PTPRS: variants seen among roughly 807,000 people sequenced by gnomAD.
PTPRS encodes receptor-type tyrosine-protein phosphatase S.
Under a neutral mutation model 215.3 loss-of-function variants are expected in PTPRS, and 63 were observed. The ratio of observed to expected loss-of-function variants is 0.29; its 90% CI spans 0.24 to 0.36. The LOEUF (loss-of-function observed/expected upper bound fraction) is 0.36, where lower values mean the gene tolerates loss of function less well. Among genes scored for constraint, PTPRS ranks in the 10% least tolerant of loss-of-function variants. The pLI is 1.00. For synonymous variants in PTPRS, 1,404 were observed against 1,191.4 expected, an observed-to-expected ratio of 1.18 and a Z score of -3.68; for missense variants, 2,258 against 2,825.8, an observed-to-expected ratio of 0.80 and a Z score of 4.56.
chr19:5,288,159 T>A (rs2048522076), intron 1 of PTPRS, among the ~76,000 whole-genome samples: 1 of 152,034 alleles, frequency 6.6e-6, no homozygotes. Flanking sequence ...TACAGGGAAC[T>A]GCAAACATGC....
chr19:5,271,708 TATTCATTCATTC>T (rs532699217), intron 4 of PTPRS, among the ~76,000 whole-genome samples: 2 of 151,220 alleles, frequency 1.3e-5, no homozygotes, highest in Non-Finnish European at 2.9e-5. Flanking sequence ...ATTTCATTTT[TATTCATTCATTC>T]ATTCATTCAT....
Position 5,340,742 on chromosome 19 carries a change from C to T in PTPRS, c.-173G>A, listed in dbSNP as rs2051085496. ...CTGTTGCATGGGATCCGAGCGGAGC[C>T]CGAGCGCCAGCGGCTCGCGGCGTGC... On this transcript the variant is annotated 5_prime_UTR_variant, in exon 1 of 38. Transcript: ENST00000262963. 1 of 150,348 alleles carries T rather than the reference C, an allele frequency of 6.7e-6. No individual in the cohort carries two copies. Among genetic ancestry groups the T allele is most frequent in the Non-Finnish European group, 1.5e-5 (1 of 67,468 alleles). 9.3% of individuals were successfully genotyped at this position (150,348 alleles called of 1,614,324 possible).
chr19:5,315,372 T>TTTTTTTG (rs2049842289), intron 1 of PTPRS, among the ~76,000 whole-genome samples: 4 of 115,364 alleles, frequency 3.5e-5, no homozygotes, highest in African/African-American at 1.6e-4. Context: ...TTTTTTTTTT[T>TTTTTTTG]TTTTTTTTTG....
rs1271500162 is a variant in PTPRS at position 5,210,644 on chromosome 19, G to GC, written c.5361+34dup. ...TCAGCGCTGTCTGAGCCACAGTCTG[G>GC]CCCTCGCCCTTCCCTGCTGTGGCCC... On this transcript the variant is annotated intron_variant, in intron 34 of 37. Transcript: ENST00000262963. This position sits in a 1 kb window ranked among gnomAD's most constrained non-coding sequence, Gnocchi z 4.5. 6.2e-7 allele frequency: 1 copy of GC among 1,614,086 alleles called. No individual in the cohort carries two copies. Among genetic ancestry groups the GC allele is most frequent in the South Asian group, 1.1e-5 (1 of 91,082 alleles).
At chr19:5,234,634 GCTCT>G (rs1380721718) in intron 13 of PTPRS, among the ~76,000 whole-genome samples, 1 of 152,184 alleles carries the variant, frequency 6.6e-6, no homozygotes, top group African/African-American at 2.4e-5. Context: ...TGTGCCAAAG[GCTCT>G]CTCAGAAAAC....
intron 2 of PTPRS, 66 bp downstream of exon 2, chr19:5,285,984 A>G: frequency 6.7e-7 from 1 of 1,486,472 alleles, no homozygotes. Context: ...CCACACACAC[A>G]CAGCCATAAA....
chr19:5,319,920 C>A lies in PTPRS; in HGVS notation c.-95+20744G>T, dbSNP rs550593391. ...GTTCCTTTACTGCTTTCTCTGATCA[C>A]CCCTGACGTGCTATATATCGTATTT... On this transcript the variant is annotated intron_variant, in intron 1 of 37. Coordinates refer to ENST00000262963, the MANE Select transcript of PTPRS (RefSeq NM_002850.4). 5.3e-5 allele frequency among the ~76,000 whole-genome samples: 8 copies of A among 152,244 alleles called. No individual in the cohort carries two copies. In the South Asian group the frequency reaches 1.7e-3, roughly 32 times the overall value.
At chr19:5,213,853 A>T (rs1425823252) in intron 30 of PTPRS, among the ~76,000 whole-genome samples, 1 of 152,214 alleles carries the variant, frequency 6.6e-6, no homozygotes, top group East Asian at 1.9e-4. Flanking sequence ...AATTGTCCTA[A>T]TTCAGAACCA....
At position 5,335,071 on chromosome 19, in the gene PTPRS, G is replaced by A. The variant is rs112210556; in HGVS notation, c.-95+5593C>T. 2.4e-4 allele frequency among the ~76,000 whole-genome samples: 37 copies of A among 152,198 alleles called. 1 individual carries two copies. The highest frequency in any genetic ancestry group is 7.9e-4 in the African/African-American group (33 of 41,514). ...GCTTCCCCAGAACCCCTGAATTTCC[G>A]CAAACTCTCAATTACCCACGTGACA... On this transcript the variant is annotated intron_variant, in intron 1 of 37. Transcript: ENST00000262963.
At chr19:5,258,633 C>T (rs1246010508) in intron 7 of PTPRS, among the ~76,000 whole-genome samples, 2 of 152,178 alleles carry the variant, frequency 1.3e-5, no homozygotes, top group African/African-American at 4.8e-5. Flanking sequence ...GTCTGGGTTC[C>T]TCAGTTGTGT....
chr19:5,256,268 A>T (rs891369073), intron 8 of PTPRS, 149 bp from the exon 9 acceptor site: 1 of 581,476 alleles, frequency 1.7e-6, no homozygotes. Flanking sequence ...CCAAAAAAAA[A>T]AATTAAAATT....
In PTPRS at chr19:5,233,829, C is replaced by T. The variant is rs367935540; in HGVS notation, c.1850-2214G>A. ...GGCATGGTGGCGGGAGCCTGTAATC[C>T]CAGCTACTCGGGAGGCTGAGGCAGG... On this transcript the variant is annotated intron_variant, in intron 13 of 37. Coordinates refer to ENST00000262963, the MANE Select transcript of PTPRS (RefSeq NM_002850.4). Among the ~76,000 whole-genome samples the T allele has an allele frequency of 3.6e-4, 55 of 150,966 alleles. 2 individuals are homozygous for T. The South Asian group carries it at 0.012, about 32-fold the overall frequency.
At chr19:5,278,468 T>C (rs1233349421) in intron 2 of PTPRS, among the ~76,000 whole-genome samples, 1 of 151,496 alleles carries the variant, frequency 6.6e-6, no homozygotes, top group Non-Finnish European at 1.5e-5. Flanking sequence ...GAGATGCTTT[T>C]TGATTACTTA....
chr19:5,260,755 T>C (rs2146298399), intron 7 of PTPRS, 50 bp downstream of exon 7: 4 of 1,609,296 alleles, frequency 2.5e-6, no homozygotes, highest in South Asian at 1.1e-5. Flanking sequence ...AGGGGCTGAG[T>C]GGGCAGCAAG....
At chr19:5,209,258 C>T (rs1370753848) in intron 35 of PTPRS, among the ~76,000 whole-genome samples, 1 of 152,154 alleles carries the variant, frequency 6.6e-6, no homozygotes, top group East Asian at 1.9e-4. Flanking sequence ...CCAGTGGTGC[C>T]ATCCAACCAC....
chr19:5,225,410 G>C (rs935553791), intron 17 of PTPRS, among the ~76,000 whole-genome samples: 4 of 152,144 alleles, frequency 2.6e-5, no homozygotes, highest in Non-Finnish European at 4.4e-5. Context: ...GCCAGCAGGG[G>C]AAGGGGTATC....
chr19:5,211,684 T>A lies in PTPRS; in HGVS notation c.5140A>T (p.Ile1714Phe), dbSNP rs1317765172. ...ACCCGTGTGCTCTCATAGGGCATGA[T>A]GTTCACCAGGCGGTTCTTGAACTTG... is the stretch of plus-strand genomic sequence containing the variant. Reference protein sequence around the residue: ...CNKFKNRLVNIMPYESTRVCL... With the variant: ...CNKFKNRLVNFMPYESTRVCL... The change falls in exon 33 of 38, where the codon ATC (isoleucine) becomes TTC (phenylalanine). Residue 1714 changes from isoleucine (I) to phenylalanine (F), a missense_variant. Physicochemically the swap from Ile to Phe is conservative, Grantham distance 21. Transcript: ENST00000262963. The A allele has an allele frequency of 4.3e-6, 7 of 1,614,158 alleles. No individual in the cohort carries two copies. Among genetic ancestry groups the A allele is most frequent in the Non-Finnish European group, 5.9e-6 (7 of 1,180,032 alleles).
At chr19:5,222,033 TCA>T in intron 19 of PTPRS, 88 bp downstream of exon 19, 1 of 1,092,142 alleles carries the variant, frequency 9.2e-7, no homozygotes, top group Non-Finnish European at 1.4e-6. Context: ...ATCCCTCACT[TCA>T]CACCAACTCC....
At position 5,266,014 on chromosome 19, in the gene PTPRS, C is replaced by T. The variant is rs536372764; in HGVS notation, c.380-818G>A. ...GTGGCTCATGCCTGTAATCCCAGCA[C>T]TTTGGGAGGCCGAGACAGGTGGATC... On this transcript the variant is annotated intron_variant, in intron 4 of 37. Transcript: ENST00000262963. Among the ~76,000 whole-genome samples the T allele has an allele frequency of 7.2e-5, 11 of 152,250 alleles. No homozygotes were observed. In the East Asian group the frequency reaches 2.1e-3, roughly 29 times the overall value.
Sources: allele counts gnomAD v4.1 joint callset (sites outside exome capture counted in the v4.1 genomes callset), GRCh38; gene constraint gnomAD v4.1.1; non-coding constraint Gnocchi (gnomAD v3.1); transcripts MANE v1.5; gene names NCBI Gene and HGNC (gene_info 2026-07-23, HGNC 2026-07-21).